OR3A2: variants seen among roughly 807,000 people sequenced by gnomAD.
OR3A2 encodes olfactory receptor 3A2.
For synonymous variants in OR3A2, 126 were observed against 159.3 expected (o/e 0.79, Z 1.57); for missense variants, 318 against 392.8 (o/e 0.81, Z 1.61).
intron 3 of OR3A2, among the ~76,000 whole-genome samples, chr17:3,320,859 C>CTTGT (rs1567553681): frequency 4.0e-5 from 6 of 150,880 alleles, no homozygotes; most frequent in Non-Finnish European, 5.9e-5. Context: ...CTTGGCGGTG[C>CTTGT]GGGCTCTTTT....
chr17:3,303,388 G>A (rs1282080467), intron 3 of OR3A2, among the ~76,000 whole-genome samples: 1 of 152,084 alleles, frequency 6.6e-6, no homozygotes, highest in African/African-American at 2.4e-5. Flanking sequence ...GAAAAGGCAA[G>A]CTACAAATTT....
chr17:3,290,897 TTCTTA>T (rs1373312360), intron 3 of OR3A2: 3 of 152,224 alleles, frequency 2.0e-5, no homozygotes, highest in Non-Finnish European at 4.4e-5. Flanking sequence ...AGATTATAAA[TTCTTA>T]TCTTTTCAAA....
At chr17:3,306,985 G>A (rs2049005212) in intron 3 of OR3A2, among the ~76,000 whole-genome samples, 1 of 152,236 alleles carries the variant, frequency 6.6e-6, no homozygotes, top group African/African-American at 2.4e-5. Flanking sequence ...GTGCTTGTGT[G>A]TGTGCGCATT....
chr17:3,322,137 T>C (rs2049129044), intron 3 of OR3A2, among the ~76,000 whole-genome samples: 1 of 152,204 alleles, frequency 6.6e-6, no homozygotes, highest in Admixed American at 6.5e-5. Flanking sequence ...CCATTTCTTC[T>C]AGATTTTCTA....
At chr17:3,370,289 C>T (rs1469084631) in intron 2 of OR3A2, among the ~76,000 whole-genome samples, 2 of 152,176 alleles carry the variant, frequency 1.3e-5, no homozygotes, top group Non-Finnish European at 1.5e-5. Context: ...CCATCTCCTC[C>T]AGGTTTTCTA....
chr17:3,381,895 A>T (rs1391643319), intron 2 of OR3A2, among the ~76,000 whole-genome samples: 3 of 152,188 alleles, frequency 2.0e-5, no homozygotes, highest in African/African-American at 7.2e-5. Flanking sequence ...AAAGACAAAC[A>T]TTTGTCTTCA....
In OR3A2 at chr17:3,311,178, C is replaced by G. The variant is rs750547928; in HGVS notation, c.-85+24855G>C. ...CACTGTCATCAGCCCCATGCTGAAC[C>G]CACTCATCTACTGGACATCTCTGCT... is the stretch of plus-strand genomic sequence containing the variant. On this transcript the variant is annotated intron_variant, in intron 3 of 4. Transcript: ENST00000573491. The surrounding 1 kb of genome is among the most constrained non-coding windows in gnomAD (Gnocchi z 4.6). 1 of 538,170 alleles carries G rather than the reference C, an allele frequency of 1.9e-6. No individual in the cohort carries two copies. The highest frequency in any genetic ancestry group is 3.8e-6 in the Non-Finnish European group (1 of 262,506). The allele number at this position is 538,170 out of a possible 1,614,324, so 33.3% of individuals were successfully genotyped here. A position where few individuals can be genotyped will look rare whatever the true frequency, so the allele number is the denominator to read the frequency against.
intron 3 of OR3A2, among the ~76,000 whole-genome samples, chr17:3,330,114 G>A (rs1418659006): frequency 6.8e-6 from 1 of 147,606 alleles, no homozygotes; most frequent in African/African-American, 2.6e-5. Context: ...CATTTGCTGA[G>A]GAGAGCTTTA....
intron 2 of OR3A2, among the ~76,000 whole-genome samples, chr17:3,347,906 A>C (rs1465397203): frequency 6.6e-6 from 1 of 152,042 alleles, no homozygotes; most frequent in Admixed American, 6.6e-5. Flanking sequence ...TCCAGCACCT[A>C]TTGCTTCCTG....
At position 3,322,146 on chromosome 17, in the gene OR3A2, T is replaced by A. The variant is rs2049129085; in HGVS notation, c.-85+13887A>T. 2.0e-5 allele frequency among the ~76,000 whole-genome samples: 3 copies of A among 152,212 alleles called. 1 individual carries two copies. The South Asian group carries it at 6.2e-4, about 32-fold the overall frequency. Reference sequence around the variant, plus strand: ...ATTTATCCATTTCTTCTAGATTTTCTAGTTTATTTGCGTAGAGGTGTTTAT... The same window carrying A: ...ATTTATCCATTTCTTCTAGATTTTCAAGTTTATTTGCGTAGAGGTGTTTAT... On this transcript the variant is annotated intron_variant, in intron 3 of 4. Coordinates refer to the OR3A2 transcript ENST00000573491.
intron 2 of OR3A2, among the ~76,000 whole-genome samples, chr17:3,337,276 T>C (rs999065229): frequency 2.0e-4 from 30 of 152,184 alleles, no homozygotes; most frequent in African/African-American, 7.0e-4. Context: ...ATGTGCACTT[T>C]TTAAAATTAT....
At chr17:3,361,945 T>A (rs372006714) in intron 2 of OR3A2, among the ~76,000 whole-genome samples, 67 of 151,700 alleles carry the variant, frequency 4.4e-4, no homozygotes, top group Admixed American at 1.9e-3. Context: ...TGAGTTAGGG[T>A]GGATTCCCTC....
intron 3 of OR3A2, among the ~76,000 whole-genome samples, chr17:3,306,948 G>A (rs2049004910): frequency 6.6e-6 from 1 of 152,226 alleles, no homozygotes; most frequent in African/African-American, 2.4e-5. Flanking sequence ...CAAGGCATGT[G>A]GTTCAACTGG....
chr17:3,295,476 T>C (rs2048911810), intron 3 of OR3A2, among the ~76,000 whole-genome samples: 2 of 152,032 alleles, frequency 1.3e-5, no homozygotes, highest in Admixed American at 6.6e-5. Context: ...TCTTCTAAAA[T>C]ATAAGAGGAA....
intron 2 of OR3A2, among the ~76,000 whole-genome samples, chr17:3,359,970 G>C (rs1282740819): frequency 6.6e-6 from 1 of 151,738 alleles, no homozygotes; most frequent in Non-Finnish European, 1.5e-5. Flanking sequence ...GGTATTTCTA[G>C]TTTTAGATCC....
At chr17:3,310,862 C>T (rs2049036975) in intron 3 of OR3A2, 2 of 1,044,510 alleles carry the variant, frequency 1.9e-6, no homozygotes. Flanking sequence ...ACTGTGACCT[C>T]CCACAGCCCT....
At chr17:3,283,114 C>T (rs2048787388) in intron 1 of OR3A2, among the ~76,000 whole-genome samples, 1 of 152,184 alleles carries the variant, frequency 6.6e-6, no homozygotes, top group Non-Finnish European at 1.5e-5. Context: ...TTGGGTGAGT[C>T]ACTTCTTTAT....
At chr17:3,310,342 T>C (rs1341388256) in intron 3 of OR3A2, 1 of 534,518 alleles carries the variant, frequency 1.9e-6, no homozygotes, top group Non-Finnish European at 3.8e-6. Context: ...AATGATTCAG[T>C]TGTGACCAAG....
intron 3 of OR3A2, among the ~76,000 whole-genome samples, chr17:3,304,122 G>A (rs2048985398): frequency 6.6e-6 from 1 of 151,890 alleles, no homozygotes; most frequent in Admixed American, 6.6e-5. Context: ...ACTCTTTGTA[G>A]GACTCTACAC....
Sources: gnomAD v4.1 joint callset for allele counts (sites outside exome capture counted in the v4.1 genomes callset) on GRCh38, gnomAD v4.1.1 for gene constraint, Gnocchi (gnomAD v3.1) non-coding constraint, MANE v1.5 for transcripts, NCBI Gene and HGNC (gene_info 2026-07-23, HGNC 2026-07-21) for gene names.